The following ADRA1D variants were observed in gnomAD, a reference collection of about 807,000 sequenced individuals.
ADRA1D encodes alpha-1D adrenergic receptor.
ADRA1D carries 22 observed loss-of-function variants against 18.6 expected under a neutral mutation model. The ratio of observed to expected loss-of-function variants is 1.19; its 90% CI spans 0.85 to 1.69. The LOEUF (loss-of-function observed/expected upper bound fraction) is 1.69. Ranked by LOEUF, ADRA1D falls within the 40% of genes most tolerant of loss-of-function variation. The pLI is 0.00. For missense variants in ADRA1D, 840 were observed against 840.7 expected (o/e 1.00, Z 0.01); for synonymous variants, 376 against 388.2 (o/e 0.97, Z 0.37).
chr20:4,231,038 TTTTCTTTCTTTC>T lies in ADRA1D; in HGVS notation c.1112-8920_1112-8909del, dbSNP rs3030143. 8.4e-3 allele frequency among the ~76,000 whole-genome samples: 914 copies of T among 108,640 alleles called. 3 individuals carry two copies. The highest frequency in any genetic ancestry group is 0.012 in the Non-Finnish European group (664 of 54,820). 71.3% of individuals were successfully genotyped at this position (108,640 alleles called of 152,430 possible). A position where few individuals can be genotyped will look rare whatever the true frequency, so the allele number is the denominator to read the frequency against. ...TTCTTTTCTCTTTCTCTTTCTTTCT[TTTTCTTTCTTTC>T]TTTCTTTCTTTCTTTCTCTCTCTCT... On this transcript the variant is annotated intron_variant, in intron 1 of 1. Coordinates refer to ENST00000379453, the MANE Select transcript of ADRA1D (RefSeq NM_000678.4).
intron 1 of ADRA1D, among the ~76,000 whole-genome samples, chr20:4,230,753 C>A (rs1980934286): frequency 6.6e-6 from 1 of 152,236 alleles, no homozygotes; most frequent in African/African-American, 2.4e-5. Context: ...TGCCTTCCTC[C>A]AAATTCAGCC....
At position 4,222,213 on chromosome 20, in the gene ADRA1D, C is replaced by G. The variant is rs1033870442; in HGVS notation, c.1112-83G>C. The G allele has an allele frequency of 2.6e-6, 4 of 1,523,382 alleles. No homozygotes were observed. The highest frequency in any genetic ancestry group is 2.0e-5 in the Admixed American group (1 of 49,042). The allele number at this position is 1,523,382 out of a possible 1,614,324, so 94.4% of individuals were successfully genotyped here. ...CTCTGGGCGCAAAGGGGAGACCCTT[C>G]AGTAGCCTTGGCTGAGTCATTGACT... On this transcript the variant is annotated intron_variant, in intron 1 of 1. Coordinates refer to ENST00000379453, the MANE Select transcript of ADRA1D (RefSeq NM_000678.4). The surrounding 1 kb of genome is among the most constrained non-coding windows in gnomAD (Gnocchi z 4.3).
At position 4,248,984 on chromosome 20, in the gene ADRA1D, G is replaced by A; in HGVS notation, c.-27C>T. ...TCAACGCGCGGCCGTCGGTGGCCGGGCCGGGGCACAGAACGAGCGGCCGGC... is the reference window on the plus strand; with the variant it reads ...TCAACGCGCGGCCGTCGGTGGCCGGACCGGGGCACAGAACGAGCGGCCGGC... On this transcript the variant is annotated 5_prime_UTR_variant, in exon 1 of 2. Transcript: ENST00000379453. The A allele has an allele frequency of 1.5e-6, 2 of 1,315,510 alleles. No individual in the cohort carries two copies. The highest frequency in any genetic ancestry group is 1.5e-5 in the South Asian group (1 of 66,302). The allele number at this position is 1,315,510 out of a possible 1,614,324, so 81.5% of individuals were successfully genotyped here.
intron 1 of ADRA1D, among the ~76,000 whole-genome samples, chr20:4,223,369 G>T (rs1980719726): frequency 6.6e-6 from 1 of 152,144 alleles, no homozygotes; most frequent in African/African-American, 2.4e-5. Context: ...GTGACTCTGA[G>T]AAGGGACCCA....
intron 1 of ADRA1D, among the ~76,000 whole-genome samples, chr20:4,243,393 A>C (rs547063423): frequency 2.0e-5 from 3 of 151,966 alleles, no homozygotes; most frequent in Non-Finnish European, 4.4e-5. Flanking sequence ...GATTTAGACA[A>C]TTCCCTGTGA....
At chr20:4,246,040 T>A (rs1414106432) in intron 1 of ADRA1D, among the ~76,000 whole-genome samples, 1 of 152,080 alleles carries the variant, frequency 6.6e-6, no homozygotes, top group African/African-American at 2.4e-5. Context: ...ATTTTATAGA[T>A]AAAAAAGCCA....
chr20:4,222,325 C>A lies in ADRA1D; in HGVS notation c.1112-195G>T. On this transcript the variant is annotated intron_variant, in intron 1 of 1. Coordinates refer to ENST00000379453, the MANE Select transcript of ADRA1D (RefSeq NM_000678.4). This position sits in a 1 kb window ranked among gnomAD's most constrained non-coding sequence, Gnocchi z 4.3. ...TAATAATTGTTTTCACTCACCTCTACCTGATATTGAGGATTACCTTCAATG... is the reference window on the plus strand; with the variant it reads ...TAATAATTGTTTTCACTCACCTCTAACTGATATTGAGGATTACCTTCAATG... 1 of 692,032 alleles carries A rather than the reference C, an allele frequency of 1.4e-6. No individual in the cohort carries two copies. Among genetic ancestry groups the A allele is most frequent in the African/African-American group, 1.9e-5 (1 of 53,146 alleles). 42.9% of individuals were successfully genotyped at this position (692,032 alleles called of 1,614,324 possible).
At chr20:4,244,470 C>T (rs945719867) in intron 1 of ADRA1D, among the ~76,000 whole-genome samples, 9 of 152,198 alleles carry the variant, frequency 5.9e-5, no homozygotes, top group Admixed American at 5.9e-4. Flanking sequence ...CTCTCCTCCT[C>T]TTTCTGGGAG....
intron 1 of ADRA1D, among the ~76,000 whole-genome samples, chr20:4,229,425 T>TA (rs11482628): frequency 0.66 from 100,549 of 151,482 alleles, 34,362 homozygotes; most frequent in East Asian, 0.96. Flanking sequence ...GGAAGGAAGA[T>TA]GGGGGCGAGT....
chr20:4,242,876 T>C (rs944805224), intron 1 of ADRA1D, among the ~76,000 whole-genome samples: 2 of 147,870 alleles, frequency 1.4e-5, no homozygotes, highest in African/African-American at 4.9e-5. Flanking sequence ...GTGTGTGTGT[T>C]TGTGTGTGTA....
intron 1 of ADRA1D, among the ~76,000 whole-genome samples, chr20:4,227,759 C>CCT (rs1568763497): frequency 2.5e-4 from 34 of 135,648 alleles, no homozygotes; most frequent in African/African-American, 9.1e-4. Flanking sequence ...TCTTCTCTCT[C>CCT]TCTCTTTCTT....
intron 1 of ADRA1D, among the ~76,000 whole-genome samples, chr20:4,223,730 T>C (rs1980727945): frequency 6.6e-6 from 1 of 152,178 alleles, no homozygotes. Context: ...ATAAATTACA[T>C]GAGATATGCA....
At chr20:4,242,919 G>T (rs1175750424) in intron 1 of ADRA1D, among the ~76,000 whole-genome samples, 1 of 150,578 alleles carries the variant, frequency 6.6e-6, no homozygotes, top group Non-Finnish European at 1.5e-5. Context: ...ACCTCTGGGC[G>T]TGGCTGGGGG....
chr20:4,221,403 A>G lies in ADRA1D; in HGVS notation c.*120T>C. The G allele has an allele frequency of 9.0e-7, 1 of 1,111,092 alleles. No homozygotes were observed. Among genetic ancestry groups the G allele is most frequent in the Non-Finnish European group, 1.3e-6 (1 of 775,524 alleles). 68.8% of individuals were successfully genotyped at this position (1,111,092 alleles called of 1,614,324 possible). On this transcript the variant is annotated 3_prime_UTR_variant, in exon 2 of 2. Coordinates refer to ENST00000379453, the MANE Select transcript of ADRA1D (RefSeq NM_000678.4). ...CAGTTCCTCAGGGATGTCACAGAGC[A>G]GCTGCCCTGATCAGTTTCCGGGTCT...
rs1980696780 is a variant in ADRA1D at position 4,222,490 on chromosome 20, TG to T, written c.1112-361del. The T allele has an allele frequency of 5.9e-6, 1 of 168,454 alleles. No homozygotes were observed. Among genetic ancestry groups the T allele is most frequent in the Non-Finnish European group, 1.3e-5 (1 of 79,252 alleles). The allele number at this position is 168,454 out of a possible 1,614,324, so 10.4% of individuals were successfully genotyped here. A position where few individuals can be genotyped will look rare whatever the true frequency, so the allele number is the denominator to read the frequency against. On this transcript the variant is annotated intron_variant, in intron 1 of 1. Transcript: ENST00000379453. The surrounding 1 kb of genome is among the most constrained non-coding windows in gnomAD (Gnocchi z 4.3). ...ATAGCCATGTTTGCTCATTTCTGCG[TG>T]CCAGCATAATTTCACAAAGTCCCCG...
chr20:4,229,517 T>G (rs1330743644), intron 1 of ADRA1D, among the ~76,000 whole-genome samples: 1 of 152,070 alleles, frequency 6.6e-6, no homozygotes, highest in Non-Finnish European at 1.5e-5. Flanking sequence ...ATGTGACATT[T>G]GAGTAAAGAG....
chr20:4,224,771 A>C (rs1980754503), intron 1 of ADRA1D, among the ~76,000 whole-genome samples: 1 of 151,960 alleles, frequency 6.6e-6, no homozygotes. Flanking sequence ...TGCCTTCAAA[A>C]AAAAAAGAGC....
intron 1 of ADRA1D, among the ~76,000 whole-genome samples, chr20:4,243,383 G>A (rs75587513): frequency 0.047 from 7,158 of 152,182 alleles, 406 homozygotes; most frequent in African/African-American, 0.13. Context: ...GAGGAGGGCA[G>A]ATTTAGACAA....
At chr20:4,223,312 C>G (rs1980718365) in intron 1 of ADRA1D, among the ~76,000 whole-genome samples, 1 of 152,138 alleles carries the variant, frequency 6.6e-6, no homozygotes, top group African/African-American at 2.4e-5. Context: ...CCAATAAAAT[C>G]AGTTTCATTT....
Sources: gnomAD v4.1 joint callset for allele counts (sites outside exome capture counted in the v4.1 genomes callset) on GRCh38, gnomAD v4.1.1 for gene constraint, Gnocchi (gnomAD v3.1) non-coding constraint, MANE v1.5 for transcripts, NCBI Gene and HGNC (gene_info 2026-07-23, HGNC 2026-07-21) for gene names.